Variants in ALDH1L1 observed in about 807,000 individuals in gnomAD.
ALDH1L1 encodes cytosolic 10-formyltetrahydrofolate dehydrogenase.
ALDH1L1 carries 68 observed loss-of-function variants against 101.1 expected under a neutral mutation model. The ratio of observed to expected loss-of-function variants is 0.67; its 90% CI spans 0.55 to 0.82. ALDH1L1 has a LOEUF of 0.82. Ranked by LOEUF, ALDH1L1 falls within the 40% of genes least tolerant of loss-of-function variation. The pLI is 0.00. For missense variants in ALDH1L1, 1,087 were observed against 1,172.7 expected (o/e 0.93, Z 1.07); for synonymous variants, 486 against 470.8 (o/e 1.03, Z -0.42).
chr3:126,181,333 C>G, upstream of ALDH1L1: 2 of 384,374 alleles, frequency 5.2e-6, no homozygotes, highest in Non-Finnish European at 9.9e-6. Context: ...TCCCACCACA[C>G]CTGCGGCCGC....
intron 14 of ALDH1L1, among the ~76,000 whole-genome samples, chr3:126,128,082 G>A (rs2080224489): frequency 1.3e-5 from 2 of 152,228 alleles, no homozygotes; most frequent in African/African-American, 4.8e-5. Flanking sequence ...ACAGTGGACT[G>A]GGGAGGGGGC....
chr3:126,178,380 C>CAAAAAAAAAAAAAAAGAA (rs1397149719), intron 1 of ALDH1L1, among the ~76,000 whole-genome samples: 1 of 73,486 alleles, frequency 1.4e-5, no homozygotes, highest in Non-Finnish European at 3.2e-5. Context: ...GACCCTGTCT[C>CAAAAAAAAAAAAAAAGAA]AAAAAAAAAA....
chr3:126,181,236 G>T, upstream of ALDH1L1: 2 of 583,396 alleles, frequency 3.4e-6, no homozygotes, highest in Admixed American at 6.0e-5. Flanking sequence ...CTCAGGCAAG[G>T]CCATGTAGAA....
chr3:126,170,894 T>TAA (rs1464503232), intron 1 of ALDH1L1, among the ~76,000 whole-genome samples: 1 of 152,052 alleles, frequency 6.6e-6, no homozygotes, highest in African/African-American at 2.4e-5. Context: ...GTATCTTGGG[T>TAA]AACTGCCAAA....
chr3:126,144,153 C>A (rs992582065), intron 9 of ALDH1L1, among the ~76,000 whole-genome samples: 2 of 151,904 alleles, frequency 1.3e-5, no homozygotes, highest in Non-Finnish European at 2.9e-5. Flanking sequence ...TAAATTTAAC[C>A]AAGTAGCCAA....
chr3:126,131,140 C>T (rs1045506469), intron 13 of ALDH1L1, among the ~76,000 whole-genome samples: 11 of 152,218 alleles, frequency 7.2e-5, no homozygotes, highest in African/African-American at 2.7e-4. Flanking sequence ...CCAGAGTCTC[C>T]AGATAAGGCC....
chr3:126,131,414 G>C lies in ALDH1L1; in HGVS notation c.1593C>G (p.Arg531=), dbSNP rs758187899. ...THVGMSIQTF[R]YFAGWCDKIQ... ...TCTTGTCACACCAGCCAGCAAAGTAGCGGAAGGTCTGGATGGACATGCCCA... is the reference window on the plus strand; with the variant it reads ...TCTTGTCACACCAGCCAGCAAAGTACCGGAAGGTCTGGATGGACATGCCCA... Residue 531 remains arginine (R), a synonymous_variant, in exon 13 of 23, where the codon CGC becomes CGG. Transcript: ENST00000393434. The C allele has an allele frequency of 6.2e-7, 1 of 1,609,168 alleles. No homozygotes were observed. The highest frequency in any genetic ancestry group is 8.5e-7 in the Non-Finnish European group (1 of 1,175,984).
At chr3:126,114,820 G>A (rs755119702) in intron 17 of ALDH1L1, 164 bp from the exon 18 acceptor site, 8 of 494,698 alleles carry the variant, frequency 1.6e-5, no homozygotes, top group African/African-American at 7.8e-5. Flanking sequence ...GGCTTCACAC[G>A]GCCACCTGCC....
intron 1 of ALDH1L1, among the ~76,000 whole-genome samples, chr3:126,195,195 C>G (rs2081575329): frequency 6.6e-6 from 1 of 152,110 alleles, no homozygotes; most frequent in South Asian, 2.1e-4. Context: ...AACCTTAAAG[C>G]ATTTAGCAAA....
chr3:126,120,311 T>C (rs1274813188), intron 16 of ALDH1L1, among the ~76,000 whole-genome samples: 2 of 152,102 alleles, frequency 1.3e-5, no homozygotes, highest in African/African-American at 4.8e-5. Context: ...AAATGAGCTA[T>C]TAAGTCACAA....
intron 5 of ALDH1L1, 28 bp downstream of exon 5, chr3:126,155,374 T>C: frequency 6.3e-7 from 1 of 1,598,138 alleles, no homozygotes; most frequent in East Asian, 2.2e-5. Flanking sequence ...ACAGGCAGGA[T>C]GAGGGTGTGG....
At position 126,180,335 on chromosome 3, in the gene ALDH1L1, G is replaced by A. The variant is rs41266453; in HGVS notation, c.-24+141C>T. The A allele has an allele frequency of 5.1e-3, 2,940 of 580,544 alleles. 10 individuals carry two copies. Among genetic ancestry groups the A allele is most frequent in the Non-Finnish European group, 6.0e-3 (2,767 of 458,676 alleles). 36.0% of individuals were successfully genotyped at this position (580,544 alleles called of 1,614,324 possible). ...ACCCCGAGCCCGGCGTCCCAGCGGC[G>A]AAGTTGATGGGCCCCGCAGGAGCCC... On this transcript the variant is annotated intron_variant, in intron 1 of 22. Coordinates refer to ENST00000393434, the MANE Select transcript of ALDH1L1 (RefSeq NM_012190.4).
chr3:126,115,810 G>T (rs1036333781), intron 17 of ALDH1L1, among the ~76,000 whole-genome samples: 5 of 151,734 alleles, frequency 3.3e-5, no homozygotes, highest in African/African-American at 1.2e-4. Flanking sequence ...CCTGACCTCA[G>T]GTGATCTGCC....
At chr3:126,120,741 A>G (rs1052626599) in intron 16 of ALDH1L1, among the ~76,000 whole-genome samples, 1 of 152,168 alleles carries the variant, frequency 6.6e-6, no homozygotes, top group Non-Finnish European at 1.5e-5. Context: ...CAATTTTGCT[A>G]TCAACCTAAA....
intron 8 of ALDH1L1, among the ~76,000 whole-genome samples, chr3:126,149,604 A>G (rs1317228797): frequency 6.6e-6 from 1 of 152,238 alleles, no homozygotes; most frequent in Non-Finnish European, 1.5e-5. Flanking sequence ...GCTGGCTCTC[A>G]GCACCTTTGG....
intron 1 of ALDH1L1, among the ~76,000 whole-genome samples, chr3:126,190,896 G>A (rs1185240693): frequency 2.6e-5 from 4 of 152,178 alleles, no homozygotes; most frequent in Non-Finnish European, 4.4e-5. Context: ...TCTTAACTAT[G>A]TGACAATCTC....
intron 1 of ALDH1L1, among the ~76,000 whole-genome samples, chr3:126,179,095 A>G (rs2081421874): frequency 6.6e-6 from 1 of 152,236 alleles, no homozygotes; most frequent in South Asian, 2.1e-4. Flanking sequence ...TTGGCCCCAG[A>G]AAGAGCAGGG....
chr3:126,111,379 C>T (rs1041243511), intron 19 of ALDH1L1, among the ~76,000 whole-genome samples: 3 of 152,252 alleles, frequency 2.0e-5, no homozygotes, highest in South Asian at 2.1e-4. Flanking sequence ...TGCAGGCCCC[C>T]AGGGCAACGA....
rs759539289 is a variant in ALDH1L1 at position 126,157,460 on chromosome 3, C to G, written c.411G>C (p.Ala137=). ...GGTCTCCGGTGTCCAGACCATCATC[C>G]GCCCAGAAGATGGAAAACCCCCCTT... ...DKKGGFSIFW[A]DDGLDTGDLL... The change falls in exon 4 of 23, where the codon GCG becomes GCC. Residue 137 remains alanine (A), a synonymous_variant. Coordinates refer to ENST00000393434, the MANE Select transcript of ALDH1L1 (RefSeq NM_012190.4). The G allele has an allele frequency of 3.1e-6, 5 of 1,613,978 alleles. No individual in the cohort carries two copies. Among genetic ancestry groups the G allele is most frequent in the Non-Finnish European group, 1.7e-6 (2 of 1,180,022 alleles).
Sources: gnomAD v4.1 joint callset for allele counts (sites outside exome capture counted in the v4.1 genomes callset) on GRCh38, gnomAD v4.1.1 for gene constraint, MANE v1.5 for transcripts, NCBI Gene and HGNC (gene_info 2026-07-23, HGNC 2026-07-21) for gene names.